The following VXN variants were observed in gnomAD, a reference collection of about 807,000 sequenced individuals.
The protein encoded by VXN is uncharacterized protein C8orf46.
In VXN, 7 loss-of-function variants were observed where a neutral mutation model predicts 23.1. The ratio of observed to expected loss-of-function variants is 0.30; its 90% CI spans 0.17 to 0.57. The LOEUF is 0.57. VXN is among the 20% of genes least tolerant of loss of function. The pLI, the probability that VXN is intolerant of heterozygous loss-of-function variation, is 0.91. For synonymous variants in VXN, 120 were observed against 105.8 expected (o/e 1.13, Z -0.83); for missense variants, 238 against 272.6 (o/e 0.87, Z 0.89).
intron 2 of VXN, among the ~76,000 whole-genome samples, chr8:66,502,977 G>A (rs1807708033): frequency 6.6e-6 from 1 of 151,756 alleles, no homozygotes; most frequent in South Asian, 2.1e-4. Context: ...CTCCCAAGTA[G>A]GTGGGACTAC....
intron 4 of VXN, among the ~76,000 whole-genome samples, chr8:66,512,096 A>AGAG (rs1165009125): frequency 6.6e-6 from 1 of 151,406 alleles, no homozygotes; most frequent in African/African-American, 2.4e-5. Context: ...ATGAAGAGGA[A>AGAG]GAGGAGGCAG....
At chr8:66,493,832 A>G (rs1807593357) in intron 1 of VXN, 114 bp downstream of exon 1, 1 of 809,310 alleles carries the variant, frequency 1.2e-6, no homozygotes, top group South Asian at 1.6e-5. Flanking sequence ...GGTCTGATGG[A>G]CTCTCGGTTT....
At position 66,516,306 on chromosome 8, in the gene VXN, C is replaced by T. The variant is rs1395101279; in HGVS notation, c.*230C>T. On this transcript the variant is annotated 3_prime_UTR_variant, in exon 6 of 6. Coordinates refer to ENST00000305454, the MANE Select transcript of VXN (RefSeq NM_152765.4). ...GCTAAAGCCATTGGTCTGAAAGTGA[C>T]TTTGGGAGGTCATAAAGTTTGTATC... is the stretch of plus-strand genomic sequence containing the variant. 5.5e-6 allele frequency: 2 copies of T among 365,884 alleles called. No homozygotes were observed. The highest frequency in any genetic ancestry group is 9.7e-6 in the Non-Finnish European group (2 of 206,802). The allele number at this position is 365,884 out of a possible 1,614,324, so 22.7% of individuals were successfully genotyped here. A position where few individuals can be genotyped will look rare whatever the true frequency, so the allele number is the denominator to read the frequency against.
chr8:66,501,961 A>C (rs1344223253), intron 2 of VXN, among the ~76,000 whole-genome samples: 2 of 152,188 alleles, frequency 1.3e-5, no homozygotes, highest in African/African-American at 4.8e-5. Context: ...TACCATATTT[A>C]CAACTTCCTA....
At position 66,513,532 on chromosome 8, in the gene VXN, C is replaced by T; in HGVS notation, c.343-8C>T. Reference sequence around the variant, plus strand: ...ATCCTCACACTCCCTCCCGCTTCCTCATGACAGATACCGCCAGTGCCCCGG... The same window carrying T: ...ATCCTCACACTCCCTCCCGCTTCCTTATGACAGATACCGCCAGTGCCCCGG... On this transcript the variant is annotated splice_region_variant and splice_polypyrimidine_tract_variant and intron_variant, in intron 4 of 5. Coordinates refer to ENST00000305454, the MANE Select transcript of VXN (RefSeq NM_152765.4). 5 of 1,613,510 alleles carry T rather than the reference C, an allele frequency of 3.1e-6. No individual in the cohort carries two copies. The highest frequency in any genetic ancestry group is 4.2e-6 in the Non-Finnish European group (5 of 1,179,436).
chr8:66,510,000 C>T (rs759321932), intron 3 of VXN, 96 bp from the exon 4 acceptor site: 34 of 1,171,312 alleles, frequency 2.9e-5, no homozygotes, highest in East Asian at 7.1e-5. Flanking sequence ...AATTCCCTGG[C>T]GTGGTTGATT....
chr8:66,510,010 T>C lies in VXN; in HGVS notation c.281-86T>C. 3 of 1,300,696 alleles carry C rather than the reference T, an allele frequency of 2.3e-6. No individual in the cohort carries two copies. The Middle Eastern group carries it at 5.6e-4, about 242-fold the overall frequency. The allele number at this position is 1,300,696 out of a possible 1,614,324, so 80.6% of individuals were successfully genotyped here. On this transcript the variant is annotated intron_variant, in intron 3 of 5. Transcript: ENST00000305454. Reference sequence around the variant, plus strand: ...TTAGAAATTCCCTGGCGTGGTTGATTGGCTAACAAGGTAATTGATGCAGGG... The same window carrying C: ...TTAGAAATTCCCTGGCGTGGTTGATCGGCTAACAAGGTAATTGATGCAGGG...
At chr8:66,507,214 G>A (rs1159046257) in intron 3 of VXN, among the ~76,000 whole-genome samples, 2 of 152,198 alleles carry the variant, frequency 1.3e-5, no homozygotes, top group Admixed American at 6.5e-5. Flanking sequence ...AGGAGCAGCA[G>A]CAGCAGTCTC....
intron 5 of VXN, chr8:66,514,224 ACCG>A (rs1807859082): frequency 6.6e-6 from 1 of 152,228 alleles, no homozygotes. Context: ...CATCCTCCAC[ACCG>A]CAGGCAGCAG....
chr8:66,505,515 C>T lies in VXN; in HGVS notation c.267C>T (p.Ala89=). The change falls in exon 3 of 6, where the codon GCC becomes GCT. Residue 89 remains alanine, a synonymous_variant. Transcript: ENST00000305454. ...ARPPTAHPAK[A]SARPVGISEP... is the part of the protein sequence containing the mutation. Reference sequence around the variant, plus strand: ...CGCCCACAGCCCACCCGGCCAAAGCCTCTGCCAGACCCGGTACGTGAGTCC... The same window carrying T: ...CGCCCACAGCCCACCCGGCCAAAGCTTCTGCCAGACCCGGTACGTGAGTCC... The T allele has an allele frequency of 6.5e-7, 1 of 1,530,816 alleles. No individual in the cohort carries two copies. Among genetic ancestry groups the T allele is most frequent in the Non-Finnish European group, 8.7e-7 (1 of 1,142,936 alleles). 94.8% of individuals were successfully genotyped at this position (1,530,816 alleles called of 1,614,324 possible).
chr8:66,512,179 C>T (rs1013772370), intron 4 of VXN, among the ~76,000 whole-genome samples: 19 of 152,126 alleles, frequency 1.2e-4, no homozygotes, highest in Admixed American at 1.1e-3. Context: ...TCTGTGACAC[C>T]AGCATGGGAG....
chr8:66,509,264 A>T (rs1192990513), intron 3 of VXN, among the ~76,000 whole-genome samples: 4 of 152,208 alleles, frequency 2.6e-5, no homozygotes. Context: ...GCCCCCAGAG[A>T]GACCTGTGCT....
At chr8:66,501,596 A>G (rs1213499447) in intron 2 of VXN, among the ~76,000 whole-genome samples, 2 of 152,314 alleles carry the variant, frequency 1.3e-5, no homozygotes, top group Non-Finnish European at 2.9e-5. Flanking sequence ...GTCTTCCCAT[A>G]TTCAGTCTTC....
At position 66,515,936 on chromosome 8, in the gene VXN, C is replaced by T. The variant is rs776618843; in HGVS notation, c.484C>T (p.Pro162Ser). 6.2e-7 allele frequency: 1 copy of T among 1,613,332 alleles called. No individual in the cohort carries two copies. Among genetic ancestry groups the T allele is most frequent in the Non-Finnish European group, 8.5e-7 (1 of 1,179,706 alleles). The change falls in exon 6 of 6, where the codon CCC becomes TCC. Residue 162 changes from proline to serine, a missense_variant. By Grantham distance (74) the Pro-to-Ser change is moderately conservative. Around this residue, in one of 2 missense-constraint regions of VXN, gnomAD observed 223 missense variants for 236.9 expected, o/e 0.94. Coordinates refer to ENST00000305454, the MANE Select transcript of VXN (RefSeq NM_152765.4). ...KKMTEEYPALPQGAEASLPLT... is the reference protein window; with the variant it reads ...KKMTEEYPALSQGAEASLPLT... ...GATGACTGAAGAGTATCCAGCCCTT[C>T]CCCAAGGAGCAGAAGCCTCTCTACC...
At chr8:66,500,381 T>C (rs1460219444) in intron 2 of VXN, among the ~76,000 whole-genome samples, 1 of 152,220 alleles carries the variant, frequency 6.6e-6, no homozygotes, top group African/African-American at 2.4e-5. Context: ...TCTTTGACAA[T>C]CAGATAGGTA....
chr8:66,514,685 C>T (rs996017932), intron 5 of VXN, among the ~76,000 whole-genome samples: 1 of 152,210 alleles, frequency 6.6e-6, no homozygotes, highest in African/African-American at 2.4e-5. Context: ...CTGCCTTGAC[C>T]TCCCAAAGTG....
intron 1 of VXN, among the ~76,000 whole-genome samples, 155 bp downstream of exon 1, chr8:66,493,873 A>G (rs535868324): frequency 6.6e-6 from 1 of 152,242 alleles, no homozygotes; most frequent in South Asian, 2.1e-4. Context: ...GAGGGGGGAA[A>G]GAGGCACAAG....
chr8:66,493,715 A>C lies in VXN; in HGVS notation c.67A>C (p.Lys23Gln). The C allele has an allele frequency of 6.2e-7, 1 of 1,612,898 alleles. No homozygotes were observed. The highest frequency in any genetic ancestry group is 1.7e-5 in the Admixed American group (1 of 60,014). ...IEVFTTVIPS[K>Q]VSSPARRRAK... The stretch of plus-strand genomic sequence containing the variant: ...AGTTTTCACCACCGTGATTCCTTCC[A>C]AGGGTGAGTGAAATTGCCCTTGACT... Residue 23 changes from lysine to glutamine, a missense_variant, in exon 1 of 6, where the codon AAG (lysine) becomes CAG (glutamine). Transcript: ENST00000305454.
At chr8:66,494,066 C>T (rs1427691476) in intron 1 of VXN, among the ~76,000 whole-genome samples, 4 of 152,018 alleles carry the variant, frequency 2.6e-5, no homozygotes, top group Non-Finnish European at 5.9e-5. Flanking sequence ...TTCATTTTTT[C>T]CAGTGAGCAA....
Sources: allele counts gnomAD v4.1 joint callset (sites outside exome capture counted in the v4.1 genomes callset), GRCh38; gene constraint gnomAD v4.1.1; regional missense constraint gnomAD v4.1.1; transcripts MANE v1.5; gene names NCBI Gene and HGNC (gene_info 2026-07-23, HGNC 2026-07-21).